The following PCDHGB1 variants were observed in gnomAD, a reference collection of about 807,000 sequenced individuals.
The protein encoded by PCDHGB1 is protocadherin gamma subfamily B, 1.
Under a neutral mutation model 56.6 loss-of-function variants are expected in PCDHGB1, and 34 were observed. The ratio of observed to expected loss-of-function variants is 0.60; its 90% confidence interval spans 0.46 to 0.80. PCDHGB1 has a LOEUF of 0.80. Ranked by LOEUF, PCDHGB1 falls within the 30% of genes least tolerant of loss-of-function variation. The pLI, the probability that PCDHGB1 is intolerant of heterozygous loss-of-function variation, is 0.00. For synonymous variants in PCDHGB1, 561 were observed against 505.9 expected, an observed-to-expected ratio of 1.11 and a Z score of -1.46; for missense variants, 1,278 against 1,204.6, an observed-to-expected ratio of 1.06 and a Z score of -0.90.
At chr5:141,481,822 G>A (rs1017311512) in intron 1 of PCDHGB1, among the ~76,000 whole-genome samples, 12 of 151,620 alleles carry the variant, frequency 7.9e-5, no homozygotes, top group Non-Finnish European at 1.5e-4. Context: ...CGTGGTGGCT[G>A]AGGCAGGAGA....
At chr5:141,362,220 C>G in intron 1 of PCDHGB1, 1 of 1,614,046 alleles carries the variant, frequency 6.2e-7, no homozygotes, top group Non-Finnish European at 8.5e-7. Context: ...TGGTTGTGGC[C>G]TTGGCCTTGA....
At chr5:141,389,733 C>A in intron 1 of PCDHGB1, 1 of 1,612,786 alleles carries the variant, frequency 6.2e-7, no homozygotes, top group Non-Finnish European at 8.5e-7. Flanking sequence ...GCTCTTCAGC[C>A]TGGGGCTGCG....
At chr5:141,362,466 G>C (rs753193547) in intron 1 of PCDHGB1, 2 of 1,613,924 alleles carry the variant, frequency 1.2e-6, no homozygotes, top group African/African-American at 1.3e-5. Context: ...TGGTTCCCGC[G>C]CAAGATCTCG....
chr5:141,439,625 CCA>C (rs1281773200), intron 1 of PCDHGB1, among the ~76,000 whole-genome samples: 1 of 152,150 alleles, frequency 6.6e-6, no homozygotes, highest in African/African-American at 2.4e-5. Flanking sequence ...GAGCCAATCC[CCA>C]GACATTCCGG....
intron 1 of PCDHGB1, among the ~76,000 whole-genome samples, chr5:141,382,255 A>C (rs999860225): frequency 6.6e-6 from 1 of 152,204 alleles, no homozygotes. Flanking sequence ...ATCTTGCATC[A>C]TGGTGTCTAG....
intron 1 of PCDHGB1, among the ~76,000 whole-genome samples, chr5:141,445,553 A>T (rs948468877): frequency 1.3e-5 from 2 of 152,252 alleles, no homozygotes; most frequent in Non-Finnish European, 1.5e-5. Context: ...ATACAAAAGC[A>T]CTAAGAGAAA....
At chr5:141,376,185 C>A (rs1772389815) in intron 1 of PCDHGB1, 9 of 1,614,158 alleles carry the variant, frequency 5.6e-6, no homozygotes, top group Non-Finnish European at 7.6e-6. Context: ...GCCGCGGTCT[C>A]CTGCGTCTTC....
At chr5:141,368,717 A>C (rs1429759647) in intron 1 of PCDHGB1, among the ~76,000 whole-genome samples, 2 of 152,218 alleles carry the variant, frequency 1.3e-5, no homozygotes, top group Non-Finnish European at 2.9e-5. Flanking sequence ...TACATTTTGA[A>C]TGTATGTACT....
intron 1 of PCDHGB1, among the ~76,000 whole-genome samples, chr5:141,443,156 A>G (rs1059029): frequency 0.29 from 44,047 of 151,812 alleles, 7,376 homozygotes; most frequent in African/African-American, 0.47. Flanking sequence ...ACTGCATTTT[A>G]TTTCCCTACC....
In PCDHGB1 at chr5:141,434,915, T is replaced by A. The variant is rs1301814716; in HGVS notation, c.2410-59892T>A. Among the ~76,000 whole-genome samples, 3 of 151,830 alleles carry A rather than the reference T, an allele frequency of 2.0e-5. No homozygotes were observed. The East Asian group carries it at 5.8e-4, about 29-fold the overall frequency. ...GTCCCCTTCCCTCATACCTTATTTATGTACATATATTTTATATAATAGATA... is the reference window on the plus strand; with the variant it reads ...GTCCCCTTCCCTCATACCTTATTTAAGTACATATATTTTATATAATAGATA... On this transcript the variant is annotated intron_variant, in intron 1 of 3. Transcript: ENST00000523390.
intron 3 of PCDHGB1, among the ~76,000 whole-genome samples, chr5:141,510,244 G>A (rs549784078): frequency 6.6e-6 from 1 of 151,116 alleles, no homozygotes; most frequent in African/African-American, 2.4e-5. Flanking sequence ...CTGCACTCCA[G>A]GCTGGGCGAC....
chr5:141,432,793 C>T lies in PCDHGB1; in HGVS notation c.2410-62014C>T. 6.2e-7 allele frequency: 1 copy of T among 1,614,150 alleles called. No individual in the cohort carries two copies. Among genetic ancestry groups the T allele is most frequent in the Admixed American group, 1.7e-5 (1 of 60,032 alleles). ...AAGTCCTGGCGGACCTCGGCAGCCT[C>T]GAGTCTCCAGCTAACTCTGAAACCT... On this transcript the variant is annotated intron_variant, in intron 1 of 3. Transcript: ENST00000523390. The surrounding 1 kb of genome is among the most constrained non-coding windows in gnomAD (Gnocchi z 6.0).
chr5:141,418,107 A>C, intron 1 of PCDHGB1: 1 of 1,614,036 alleles, frequency 6.2e-7, no homozygotes, highest in Non-Finnish European at 8.5e-7. Flanking sequence ...CAGAGCGGGG[A>C]CTTACTTGTG....
chr5:141,500,688 T>C (rs2099802014), intron 2 of PCDHGB1, among the ~76,000 whole-genome samples: 1 of 152,224 alleles, frequency 6.6e-6, no homozygotes, highest in Non-Finnish European at 1.5e-5. Flanking sequence ...TATAGCTTTT[T>C]TCTTCTTTGC....
At chr5:141,399,979 C>A (rs1402446986) in intron 1 of PCDHGB1, 5 of 1,612,154 alleles carry the variant, frequency 3.1e-6, no homozygotes, top group Non-Finnish European at 4.2e-6. Context: ...CCTGGGGCTG[C>A]GCACAGGAGA....
At chr5:141,423,202 G>A (rs771252840) in intron 1 of PCDHGB1, 67 of 1,613,500 alleles carry the variant, frequency 4.2e-5, no homozygotes, top group Non-Finnish European at 5.5e-5. Context: ...CTCGGCCACC[G>A]TCACGCTCAC....
chr5:141,428,266 G>A (rs764763674), intron 1 of PCDHGB1: 1 of 810,620 alleles, frequency 1.2e-6, no homozygotes. Context: ...TGACAGTCCT[G>A]TGCCCTCTGA....
chr5:141,499,565 C>CTTATCTTGT (rs2099792732), intron 2 of PCDHGB1, among the ~76,000 whole-genome samples: 2 of 152,168 alleles, frequency 1.3e-5, no homozygotes, highest in Non-Finnish European at 2.9e-5. Flanking sequence ...CACTATCCAG[C>CTTATCTTGT]TTCAACTAAT....
At chr5:141,420,474 C>T in intron 1 of PCDHGB1, 1 of 677,328 alleles carries the variant, frequency 1.5e-6, no homozygotes, top group Non-Finnish European at 2.1e-6. Context: ...CATTTTAAAG[C>T]AAACTACATG....
Sources: gnomAD v4.1 joint callset for allele counts (sites outside exome capture counted in the v4.1 genomes callset) on GRCh38, gnomAD v4.1.1 for gene constraint, Gnocchi (gnomAD v3.1) non-coding constraint, MANE v1.5 for transcripts, NCBI Gene and HGNC (gene_info 2026-07-23, HGNC 2026-07-21) for gene names.